The following SPATA17 variants were observed in gnomAD, a reference collection of about 807,000 sequenced individuals.
SPATA17 encodes spermatogenesis-associated protein 17.
SPATA17 carries 53 observed loss-of-function variants against 62.2 expected under a neutral mutation model. The ratio of observed to expected loss-of-function variants is 0.85; its 90% CI spans 0.68 to 1.07. The LOEUF is 1.07. SPATA17 is among the 50% of genes least tolerant of loss of function. SPATA17 has a pLI of 0.00. For synonymous variants in SPATA17, 146 were observed against 146.8 expected, an observed-to-expected ratio of 0.99 and a Z score of 0.04; for missense variants, 466 against 425.5, an observed-to-expected ratio of 1.10 and a Z score of -0.84.
chr1:217,781,241 T>C (rs1486241138), intron 7 of SPATA17: 1 of 152,202 alleles, frequency 6.6e-6, no homozygotes, highest in Non-Finnish European at 1.5e-5. Context: ...CAGTCTTCAC[T>C]CAGTGCTTGC....
At chr1:217,727,179 G>A (rs919028625) in intron 5 of SPATA17, among the ~76,000 whole-genome samples, 8 of 151,640 alleles carry the variant, frequency 5.3e-5, no homozygotes, top group Non-Finnish European at 8.8e-5. Context: ...CCCGGGAGGC[G>A]GAGGTTGCCG....
intron 4 of SPATA17, among the ~76,000 whole-genome samples, chr1:217,677,028 A>T (rs904794073): frequency 1.3e-5 from 2 of 152,102 alleles, no homozygotes; most frequent in African/African-American, 4.8e-5. Context: ...ATTTTAAATT[A>T]TTTAACTTGA....
chr1:217,753,580 G>A (rs4590737), intron 6 of SPATA17, among the ~76,000 whole-genome samples: 116,062 of 151,562 alleles, frequency 0.77, 44,825 homozygotes, highest in Non-Finnish European at 0.81. Flanking sequence ...GATAGTTATT[G>A]GGTATTAAAA....
chr1:217,805,455 G>T (rs1674410817), intron 9 of SPATA17, among the ~76,000 whole-genome samples: 1 of 152,112 alleles, frequency 6.6e-6, no homozygotes, highest in Admixed American at 6.6e-5. Flanking sequence ...TAGTTCTGGA[G>T]ATCTATTATA....
At chr1:217,655,492 A>G (rs1192433920) in intron 3 of SPATA17, among the ~76,000 whole-genome samples, 1 of 152,118 alleles carries the variant, frequency 6.6e-6, no homozygotes, top group Middle Eastern at 3.2e-3. Context: ...TTTAAATGCT[A>G]TGTATACATC....
At chr1:217,795,264 G>T (rs1674103848) in intron 8 of SPATA17, among the ~76,000 whole-genome samples, 1 of 151,278 alleles carries the variant, frequency 6.6e-6, no homozygotes, top group Non-Finnish European at 1.5e-5. Context: ...ATAGCATTTT[G>T]CAAGTGTATT....
intron 4 of SPATA17, among the ~76,000 whole-genome samples, chr1:217,680,689 C>A (rs1671058965): frequency 1.3e-5 from 2 of 151,964 alleles, no homozygotes; most frequent in African/African-American, 4.8e-5. Flanking sequence ...CTTTGGGAGG[C>A]CAAGGCGGGA....
chr1:217,734,874 G>C lies in SPATA17; in HGVS notation c.396-7101G>C, dbSNP rs149438900. Among the ~76,000 whole-genome samples, 1,243 of 152,240 alleles carry C rather than the reference G, an allele frequency of 8.2e-3. 12 individuals carry two copies. Among genetic ancestry groups the C allele is most frequent in the Non-Finnish European group, 0.012 (805 of 68,020 alleles). On this transcript the variant is annotated intron_variant, in intron 5 of 10. Transcript: ENST00000366933. Reference sequence around the variant, plus strand: ...TGTTTAATTAAGCCAGTCTGAGGTGGGGTCTGAGAAAGTGCATTTTTATTA... The same window carrying C: ...TGTTTAATTAAGCCAGTCTGAGGTGCGGTCTGAGAAAGTGCATTTTTATTA...
chr1:217,863,119 CTTTT>C (rs35673625), intron 10 of SPATA17, among the ~76,000 whole-genome samples: 1 of 111,858 alleles, frequency 8.9e-6, no homozygotes. Context: ...AATACTCTTT[CTTTT>C]TTTTTTTTTT....
intron 7 of SPATA17, among the ~76,000 whole-genome samples, chr1:217,780,129 T>C (rs1054376459): frequency 6.6e-6 from 1 of 152,102 alleles, no homozygotes; most frequent in Non-Finnish European, 1.5e-5. Context: ...AATATAGATA[T>C]ATATTTACAA....
At chr1:217,638,250 C>G (rs1669982436) in intron 1 of SPATA17, among the ~76,000 whole-genome samples, 1 of 151,898 alleles carries the variant, frequency 6.6e-6, no homozygotes, top group Admixed American at 6.6e-5. Flanking sequence ...AGGTATATAC[C>G]TGTCCAAACT....
intron 4 of SPATA17, among the ~76,000 whole-genome samples, chr1:217,678,423 T>A (rs1671004136): frequency 6.6e-6 from 1 of 151,934 alleles, no homozygotes; most frequent in Admixed American, 6.6e-5. Flanking sequence ...TTGGCCAGGC[T>A]GGTCTCGAAC....
intron 3 of SPATA17, among the ~76,000 whole-genome samples, chr1:217,656,925 T>C (rs1275898423): frequency 6.6e-6 from 1 of 152,182 alleles, no homozygotes; most frequent in Non-Finnish European, 1.5e-5. Context: ...TCCTTATATA[T>C]TGAGCTGGTA....
At chr1:217,639,813 T>C (rs1670017510) in intron 1 of SPATA17, among the ~76,000 whole-genome samples, 1 of 152,034 alleles carries the variant, frequency 6.6e-6, no homozygotes, top group Non-Finnish European at 1.5e-5. Flanking sequence ...ATCAATTTTT[T>C]CACCACTCTT....
chr1:217,839,156 C>T (rs1675332526), intron 9 of SPATA17, among the ~76,000 whole-genome samples: 1 of 152,004 alleles, frequency 6.6e-6, no homozygotes, highest in South Asian at 2.1e-4. Context: ...TCTTCTAATG[C>T]TAAAAGTAAT....
chr1:217,690,025 T>A (rs1338718570), intron 5 of SPATA17, among the ~76,000 whole-genome samples: 2 of 151,762 alleles, frequency 1.3e-5, no homozygotes, highest in Admixed American at 6.6e-5. Flanking sequence ...TGCCTCAGCC[T>A]CCGAGTAGCT....
chr1:217,742,716 CG>C (rs1257502241), intron 6 of SPATA17, among the ~76,000 whole-genome samples: 1 of 152,054 alleles, frequency 6.6e-6, no homozygotes, highest in Non-Finnish European at 1.5e-5. Flanking sequence ...AAAAGAAATA[CG>C]GTTTTAAAAA....
chr1:217,801,416 T>G (rs1371333060), intron 8 of SPATA17, among the ~76,000 whole-genome samples: 1 of 152,176 alleles, frequency 6.6e-6, no homozygotes, highest in Non-Finnish European at 1.5e-5. Context: ...GAATTTTGAG[T>G]TTTTGGCATA....
chr1:217,793,010 A>G (rs567402693), intron 8 of SPATA17, among the ~76,000 whole-genome samples: 32 of 152,282 alleles, frequency 2.1e-4, no homozygotes, highest in African/African-American at 7.5e-4. Context: ...AGGTTCCTCT[A>G]GTGTATCAAG....
Sources: allele counts gnomAD v4.1 joint callset (sites outside exome capture counted in the v4.1 genomes callset), GRCh38; gene constraint gnomAD v4.1.1; transcripts MANE v1.5; gene names NCBI Gene and HGNC (gene_info 2026-07-23, HGNC 2026-07-21).